The following AJUBA variants were observed in gnomAD, a reference collection of about 807,000 sequenced individuals.
AJUBA encodes LIM domain-containing protein ajuba.
In AJUBA, 20 loss-of-function variants were observed where a neutral mutation model predicts 53.3. The ratio of observed to expected loss-of-function variants is 0.38; its 90% CI spans 0.26 to 0.55. The LOEUF (loss-of-function observed/expected upper bound fraction) is 0.55. AJUBA is among the 20% of genes least tolerant of loss of function. The pLI, the probability that AJUBA is intolerant of heterozygous loss-of-function variation, is 0.80. For synonymous variants in AJUBA, 296 were observed against 306.2 expected (o/e 0.97, Z 0.35); for missense variants, 580 against 730.5 (o/e 0.79, Z 2.38).
At chr14:22,976,343 G>C (rs757036893) in intron 4 of AJUBA, 113 bp downstream of exon 4, 51 of 1,084,426 alleles carry the variant, frequency 4.7e-5, no homozygotes, top group Non-Finnish European at 7.1e-5. Flanking sequence ...GGATGAAAGT[G>C]ATTCATCTGG....
At position 22,982,549 on chromosome 14, in the gene AJUBA, A is replaced by T. The variant is rs2045115097; in HGVS notation, c.-283T>A. 2 of 1,283,226 alleles carry T rather than the reference A, an allele frequency of 1.6e-6. No individual in the cohort carries two copies. The highest frequency in any genetic ancestry group is 9.9e-7 in the Non-Finnish European group (1 of 1,013,330). 79.5% of individuals were successfully genotyped at this position (1,283,226 alleles called of 1,614,324 possible). A position where few individuals can be genotyped will look rare whatever the true frequency, so the allele number is the denominator to read the frequency against. ...ATCTGTTCACGCGTCGACTCGCCCG[A>T]CTGCCCCACTCTCCCCGGCCCCCGC... On this transcript the variant is annotated 5_prime_UTR_variant, in exon 1 of 8. Transcript: ENST00000262713.
Position 22,972,397 on chromosome 14 carries a change from C to T in AJUBA, c.*1046G>A, listed in dbSNP as rs1414287962. ...GTGTGTGTGCATGAACACACCCACA[C>T]ATGCATACACTGGGCTATATGGCTC... is the stretch of plus-strand genomic sequence containing the variant. On this transcript the variant is annotated 3_prime_UTR_variant, in exon 8 of 8. Transcript: ENST00000262713. 6.6e-6 allele frequency: 1 copy of T among 152,464 alleles called. No homozygotes were observed. Among genetic ancestry groups the T allele is most frequent in the African/African-American group, 2.4e-5 (1 of 41,362 alleles). The allele number at this position is 152,464 out of a possible 1,614,324, so 9.4% of individuals were successfully genotyped here.
chr14:22,981,189 G>A, intron 1 of AJUBA, 72 bp downstream of exon 1: 1 of 1,499,766 alleles, frequency 6.7e-7, no homozygotes, highest in South Asian at 1.4e-5. Context: ...CGGCACTTTG[G>A]GCCGTCGGGG....
Position 22,979,051 on chromosome 14 carries a change from C to A in AJUBA, c.1007-606G>T. The A allele has an allele frequency of 7.8e-7, 1 of 1,288,846 alleles. No homozygotes were observed. Among genetic ancestry groups the A allele is most frequent in the Non-Finnish European group, 1.0e-6 (1 of 988,586 alleles). 79.8% of individuals were successfully genotyped at this position (1,288,846 alleles called of 1,614,324 possible). A position where few individuals can be genotyped will look rare whatever the true frequency, so the allele number is the denominator to read the frequency against. On this transcript the variant is annotated intron_variant, in intron 1 of 7. Coordinates refer to ENST00000262713, the MANE Select transcript of AJUBA (RefSeq NM_032876.6). This position sits in a 1 kb window ranked among gnomAD's most constrained non-coding sequence, Gnocchi z 4.0. ...GAGCATGATTCCTGTGGGGAGGTGGCTGCTGAGAATGCAGGGTGTGTTCCA... is the reference window on the plus strand; with the variant it reads ...GAGCATGATTCCTGTGGGGAGGTGGATGCTGAGAATGCAGGGTGTGTTCCA...
chr14:22,978,148 G>A (rs978504038), intron 2 of AJUBA, among the ~76,000 whole-genome samples, 196 bp downstream of exon 2: 5 of 152,154 alleles, frequency 3.3e-5, no homozygotes, highest in Non-Finnish European at 7.4e-5. Flanking sequence ...ACCAGGCGGA[G>A]GGAGAGCCAA....
intron 1 of AJUBA, 25 bp downstream of exon 1, chr14:22,981,236 G>A (rs2045089060): frequency 1.3e-6 from 2 of 1,568,342 alleles, no homozygotes; most frequent in African/African-American, 2.7e-5. Flanking sequence ...GTCCCTTCCC[G>A]TCCCTAACCA....
At chr14:22,978,472 A>C (rs1380251297) in intron 1 of AJUBA, 27 bp from the exon 2 acceptor site, 1 of 1,597,502 alleles carries the variant, frequency 6.3e-7, no homozygotes, top group Admixed American at 1.7e-5. Flanking sequence ...GTCACACTCT[A>C]CTCCCCCAGG....
chr14:22,976,244 T>C (rs1328643945), intron 4 of AJUBA, among the ~76,000 whole-genome samples: 1 of 151,298 alleles, frequency 6.6e-6, no homozygotes, highest in African/African-American at 2.4e-5. Context: ...GGCTAGGTCA[T>C]AGAAGCCTGG....
intron 1 of AJUBA, 121 bp from the exon 2 acceptor site, chr14:22,978,566 C>T (rs771494118): frequency 6.1e-5 from 90 of 1,470,144 alleles, no homozygotes; most frequent in Non-Finnish European, 8.0e-5. Context: ...GGGCTCCCTT[C>T]TGAGTAGAGA....
intron 2 of AJUBA, chr14:22,977,472 T>G (rs2045048057): frequency 1.3e-5 from 2 of 152,494 alleles, no homozygotes; most frequent in African/African-American, 4.8e-5. Flanking sequence ...TTTCCCACCT[T>G]TGCCTTCTTC....
In AJUBA at chr14:22,982,510, C is replaced by T. The variant is rs2045114002; in HGVS notation, c.-244G>A. On this transcript the variant is annotated 5_prime_UTR_variant, in exon 1 of 8. Transcript: ENST00000262713. ...AGCAGGGTCTCTGGCCGCGGCTGTC[C>T]AGTCCGCAGGTCTATCTGTTCACGC... The T allele has an allele frequency of 2.9e-6, 4 of 1,394,718 alleles. No individual in the cohort carries two copies. The highest frequency in any genetic ancestry group is 3.7e-6 in the Non-Finnish European group (4 of 1,079,888). 86.4% of individuals were successfully genotyped at this position (1,394,718 alleles called of 1,614,324 possible). A position where few individuals can be genotyped will look rare whatever the true frequency, so the allele number is the denominator to read the frequency against.
In AJUBA at chr14:22,974,001, C is replaced by T. The variant is rs1024512273; in HGVS notation, c.1491+46G>A. Reference sequence around the variant, plus strand: ...TTGCAGGACTTGACTCCTCCCCTCTCCCCATTTCCACTTCTTCTCCAGCAC... The same window carrying T: ...TTGCAGGACTTGACTCCTCCCCTCTTCCCATTTCCACTTCTTCTCCAGCAC... On this transcript the variant is annotated intron_variant, in intron 7 of 7. Coordinates refer to ENST00000262713, the MANE Select transcript of AJUBA (RefSeq NM_032876.6). The T allele has an allele frequency of 3.1e-6, 5 of 1,610,020 alleles. No individual in the cohort carries two copies. In the African/African-American group the frequency reaches 5.3e-5, roughly 17 times the overall value.
chr14:22,974,123 A>G lies in AJUBA; in HGVS notation c.1423-8T>C, dbSNP rs759675169. 2 of 1,614,096 alleles carry G rather than the reference A, an allele frequency of 1.2e-6. No homozygotes were observed. The highest frequency in any genetic ancestry group is 2.2e-5 in the East Asian group (1 of 44,866). ...CACGATGTCCTCACAGCCCTGAAAC[A>G]TGCAGACCCCCATGGAGATGAGAGC... On this transcript the variant is annotated splice_polypyrimidine_tract_variant and splice_region_variant and intron_variant, in intron 6 of 7. Coordinates refer to ENST00000262713, the MANE Select transcript of AJUBA (RefSeq NM_032876.6).
rs369284395 is a variant in AJUBA at position 22,981,922 on chromosome 14, G to A, written c.345C>T (p.Ala115=). 6.4e-7 allele frequency: 1 copy of A among 1,556,248 alleles called. No homozygotes were observed. Among genetic ancestry groups the A allele is most frequent in the Non-Finnish European group, 8.6e-7 (1 of 1,156,554 alleles). The part of the protein sequence containing the change: ...LPPDFRLEPT[A]PALSPRSSFA... Reference sequence around the variant, plus strand: ...AGCTAGAGCGGGGGCTGAGGGCCGGGGCCGTGGGCTCCAGCCGAAAATCGG... The same window carrying A: ...AGCTAGAGCGGGGGCTGAGGGCCGGAGCCGTGGGCTCCAGCCGAAAATCGG... Residue 115 remains alanine, a synonymous_variant, in exon 1 of 8, where the codon GCC becomes GCT. Transcript: ENST00000262713.
intron 1 of AJUBA, chr14:22,980,780 A>T: frequency 1.5e-6 from 1 of 670,650 alleles, no homozygotes; most frequent in Non-Finnish European, 1.8e-6. Flanking sequence ...GGGCACCTGG[A>T]GCGCCCGGGC....
In AJUBA at chr14:22,973,258, T is replaced by A; in HGVS notation, c.*185A>T. On this transcript the variant is annotated 3_prime_UTR_variant, in exon 8 of 8. Coordinates refer to ENST00000262713, the MANE Select transcript of AJUBA (RefSeq NM_032876.6). ...CCAGTCGCCCCCACCCTGGTAAATATAAGGTTTCTCTTCCACAATCCATTT... is the reference window on the plus strand; with the variant it reads ...CCAGTCGCCCCCACCCTGGTAAATAAAAGGTTTCTCTTCCACAATCCATTT... 1.1e-6 allele frequency: 1 copy of A among 929,888 alleles called. No individual in the cohort carries two copies. Among genetic ancestry groups the A allele is most frequent in the Non-Finnish European group, 1.6e-6 (1 of 637,996 alleles). 57.6% of individuals were successfully genotyped at this position (929,888 alleles called of 1,614,324 possible). A position where few individuals can be genotyped will look rare whatever the true frequency, so the allele number is the denominator to read the frequency against.
Position 22,975,114 on chromosome 14 carries a change from G to A in AJUBA, c.1240-10C>T, listed in dbSNP as rs1435340267. The A allele has an allele frequency of 2.5e-6, 4 of 1,606,174 alleles. No individual in the cohort carries two copies. The highest frequency in any genetic ancestry group is 2.7e-5 in the African/African-American group (2 of 74,858). ...CCATTGCTTGTAGGATCTGGCTCATGGGGTAGCAAGAGAATCAGTCTCCCT... is the reference window on the plus strand; with the variant it reads ...CCATTGCTTGTAGGATCTGGCTCATAGGGTAGCAAGAGAATCAGTCTCCCT... On this transcript the variant is annotated splice_polypyrimidine_tract_variant and intron_variant, in intron 4 of 7. Coordinates refer to ENST00000262713, the MANE Select transcript of AJUBA (RefSeq NM_032876.6).
intron 2 of AJUBA, chr14:22,977,043 G>C (rs902258551): frequency 3.3e-6 from 4 of 1,202,642 alleles, no homozygotes; most frequent in Middle Eastern, 3.4e-4. Context: ...ACTACGTGCT[G>C]GAATACGTGA....
In AJUBA at chr14:22,982,501, G is replaced by C; in HGVS notation, c.-235C>G. 1.4e-6 allele frequency: 2 copies of C among 1,398,310 alleles called. No individual in the cohort carries two copies. Among genetic ancestry groups the C allele is most frequent in the South Asian group, 3.1e-5 (2 of 65,456 alleles). 86.6% of individuals were successfully genotyped at this position (1,398,310 alleles called of 1,614,324 possible). A position where few individuals can be genotyped will look rare whatever the true frequency, so the allele number is the denominator to read the frequency against. On this transcript the variant is annotated 5_prime_UTR_variant, in exon 1 of 8. Coordinates refer to ENST00000262713, the MANE Select transcript of AJUBA (RefSeq NM_032876.6). ...AGCGGGGCTAGCAGGGTCTCTGGCC[G>C]CGGCTGTCCAGTCCGCAGGTCTATC...
Sources: allele counts gnomAD v4.1 joint callset (sites outside exome capture counted in the v4.1 genomes callset), GRCh38; gene constraint gnomAD v4.1.1; non-coding constraint Gnocchi (gnomAD v3.1); transcripts MANE v1.5; gene names NCBI Gene and HGNC (gene_info 2026-07-23, HGNC 2026-07-21).